MMP9: variants seen among roughly 807,000 people sequenced by gnomAD.
MMP9 encodes the protein matrix metallopeptidase 9.
Under a neutral mutation model 76.4 loss-of-function variants are expected in MMP9, and 73 were observed. That is an observed-to-expected ratio of 0.96 (90% CI 0.79 to 1.16). The LOEUF (loss-of-function observed/expected upper bound fraction) is 1.16. Ranked by LOEUF, MMP9 falls within the 50% of genes most tolerant of loss-of-function variation. The pLI is 0.00. For missense variants in MMP9, 943 were observed against 973.0 expected (o/e 0.97, Z 0.41); for synonymous variants, 412 against 408.4 (o/e 1.01, Z -0.11).
chr20:46,015,357 C>T (rs2084312215), intron 12 of MMP9, among the ~76,000 whole-genome samples: 1 of 152,156 alleles, frequency 6.6e-6, no homozygotes, highest in African/African-American at 2.4e-5. Context: ...AGTGCTAAGG[C>T]CATTGCTTCA....
Position 46,012,248 on chromosome 20 carries a change from G to A in MMP9, c.1109G>A (p.Arg370His). The change falls in exon 7 of 13, where the codon CGC (arginine) becomes CAC (histidine). Residue 370 changes from arginine (R) to histidine (H), a missense_variant. Physicochemically the swap from Arg to His is conservative, Grantham distance 29 (BLOSUM62 0). Transcript: ENST00000372330. ...ACCAGCGAGGGCCGCGGAGATGGGC[G>A]CCTCTGGTGCGCTACCACCTCGAAC... The part of the protein sequence containing the change: ...TCTSEGRGDG[R>H]LWCATTSNFD... The A allele has an allele frequency of 1.9e-6, 3 of 1,614,004 alleles. No homozygotes were observed. Among genetic ancestry groups the A allele is most frequent in the Non-Finnish European group, 2.5e-6 (3 of 1,180,028 alleles).
At position 46,013,776 on chromosome 20, in the gene MMP9, A is replaced by G. The variant is rs1038500196; in HGVS notation, c.1730A>G (p.Lys577Arg). The change falls in exon 10 of 13, where the codon AAG becomes AGG. Residue 577 changes from lysine to arginine, a missense_variant. By Grantham distance (26) the Lys-to-Arg change is conservative (BLOSUM62 2). Coordinates refer to ENST00000372330, the MANE Select transcript of MMP9 (RefSeq NM_004994.3). This position sits in a 1 kb window ranked among gnomAD's most constrained non-coding sequence, Gnocchi z 4.5. ...TCGGTCTTTGAGGAGCGGCTCTCCA[A>G]GAAGCTTTTCTTCTTCTCTGGTTAG... ...LDSVFEERLS[K>R]KLFFFSGRQV... 6.2e-7 allele frequency: 1 copy of G among 1,613,048 alleles called. No homozygotes were observed. The highest frequency in any genetic ancestry group is 8.5e-7 in the Non-Finnish European group (1 of 1,180,010).
chr20:46,012,432 A>C lies in MMP9; in HGVS notation c.1180A>C (p.Ser394Arg). 6.2e-7 allele frequency: 1 copy of C among 1,614,066 alleles called. No homozygotes were observed. The highest frequency in any genetic ancestry group is 8.5e-7 in the Non-Finnish European group (1 of 1,179,990). ...KWGFCPDQGY[S>R]LFLVAAHEFG... Reference sequence around the variant, plus strand: ...CAGGCTCCCTCTCCCTCCAGGATACAGTTTGTTCCTCGTGGCGGCGCATGA... The same window carrying C: ...CAGGCTCCCTCTCCCTCCAGGATACCGTTTGTTCCTCGTGGCGGCGCATGA... The change falls in exon 8 of 13, where the codon AGT becomes CGT. Residue 394 changes from serine to arginine, a missense_variant. Coordinates refer to ENST00000372330, the MANE Select transcript of MMP9 (RefSeq NM_004994.3).
In MMP9 at chr20:46,011,577, T is replaced by A. The variant is rs1465891923; in HGVS notation, c.827T>A (p.Leu276His). The A allele has an allele frequency of 1.9e-6, 3 of 1,613,764 alleles. No individual in the cohort carries two copies. The highest frequency in any genetic ancestry group is 2.5e-6 in the Non-Finnish European group (3 of 1,179,958). Residue 276 changes from leucine to histidine, a missense_variant, in exon 6 of 13, where the codon CTC becomes CAC. Coordinates refer to ENST00000372330, the MANE Select transcript of MMP9 (RefSeq NM_004994.3). ...TCCCACATCCTCCTCGCCCCAGGACTCTACACCCAGGACGGCAATGCTGAT... is the reference window on the plus strand; with the variant it reads ...TCCCACATCCTCCTCGCCCCAGGACACTACACCCAGGACGGCAATGCTGAT... ...DRFGFCPSERLYTQDGNADGK... is the reference protein window; with the variant it reads ...DRFGFCPSERHYTQDGNADGK...
chr20:46,011,936 A>G lies in MMP9; in HGVS notation c.997+189A>G, dbSNP rs2236416. Among the ~76,000 whole-genome samples, 21,640 of 152,070 alleles carry G rather than the reference A, an allele frequency of 0.14. 1,578 individuals are homozygous for G. Among genetic ancestry groups the G allele is most frequent in the South Asian group, 0.24 (1,142 of 4,826 alleles). ...TTCCAATGGCCCCGCCCCAGCCACT[A>G]AGGTTCGGCCTTTTCTGCCCAGCTG... On this transcript the variant is annotated intron_variant, in intron 6 of 12. Transcript: ENST00000372330.
chr20:46,010,150 C>A, intron 2 of MMP9, 52 bp downstream of exon 2: 1 of 1,475,668 alleles, frequency 6.8e-7, no homozygotes, highest in Non-Finnish European at 9.2e-7. Flanking sequence ...CCAGGTCTGG[C>A]TCTTGGGCCA....
chr20:46,009,844 G>T (rs2084263675), intron 1 of MMP9, 22 bp from the exon 2 acceptor site: 5 of 1,546,992 alleles, frequency 3.2e-6, no homozygotes, highest in Non-Finnish European at 4.4e-6. Flanking sequence ...GATCTGGCAT[G>T]TGTGTGTCCC....
At chr20:46,011,896 A>C (rs2145453445) in intron 6 of MMP9, 149 bp downstream of exon 6, 1 of 1,109,764 alleles carries the variant, frequency 9.0e-7, no homozygotes. Context: ...CCACATTTCC[A>C]CCACTATCCC....
chr20:46,012,734 C>G, intron 8 of MMP9, 152 bp downstream of exon 8: 2 of 1,177,984 alleles, frequency 1.7e-6, no homozygotes, highest in Non-Finnish European at 2.4e-6. Context: ...TGGGCCCAGT[C>G]GCTGCCATGT....
At position 46,014,150 on chromosome 20, in the gene MMP9, G is replaced by C. The variant is rs1400982177; in HGVS notation, c.1777G>C (p.Ala593Pro). ...GCGCCAGGTGTGGGTGTACACAGGC[G>C]CGTCGGTGCTGGGCCCGAGGCGTCT... ...SGRQVWVYTG[A>P]SVLGPRRLDK... The change falls in exon 11 of 13, where the codon GCG (alanine) becomes CCG (proline). Residue 593 changes from alanine (A) to proline (P), a missense_variant. By Grantham distance (27) the Ala-to-Pro change is conservative (BLOSUM62 -1). Coordinates refer to ENST00000372330, the MANE Select transcript of MMP9 (RefSeq NM_004994.3). 2 of 1,536,810 alleles carry C rather than the reference G, an allele frequency of 1.3e-6. No individual in the cohort carries two copies. Among genetic ancestry groups the C allele is most frequent in the Non-Finnish European group, 1.7e-6 (2 of 1,146,582 alleles).
chr20:46,014,405 A>C lies in MMP9; in HGVS notation c.1936A>C (p.Ser646Arg). Residue 646 changes from serine to arginine, a missense_variant, in exon 12 of 13, where the codon AGC becomes CGC. Ser to Arg is a moderately radical substitution (Grantham distance 110). Transcript: ENST00000372330. The stretch of plus-strand genomic sequence containing the variant: ...GAAGGCGCAGATGGTGGATCCCCGG[A>C]GCGCCAGCGAGGTGGACCGGATGTT... The part of the protein sequence containing the change: ...DVKAQMVDPR[S>R]ASEVDRMFPG... 1 of 1,549,798 alleles carries C rather than the reference A, an allele frequency of 6.5e-7. No homozygotes were observed. The highest frequency in any genetic ancestry group is 8.7e-7 in the Non-Finnish European group (1 of 1,146,960).
At position 46,012,124 on chromosome 20, in the gene MMP9, T is replaced by G; in HGVS notation, c.998-13T>G. ...CATCCATCTGGCTCATCCAAGGCCT[T>G]GGGTCTCTCCAGCTGACTCGACGGT... On this transcript the variant is annotated splice_polypyrimidine_tract_variant and intron_variant, in intron 6 of 12. Coordinates refer to ENST00000372330, the MANE Select transcript of MMP9 (RefSeq NM_004994.3). 6.2e-7 allele frequency: 1 copy of G among 1,613,470 alleles called. No individual in the cohort carries two copies. Among genetic ancestry groups the G allele is most frequent in the Non-Finnish European group, 8.5e-7 (1 of 1,179,616 alleles).
chr20:46,013,566 G>C lies in MMP9; in HGVS notation c.1610+32G>C, dbSNP rs1371742577. 1 of 1,612,038 alleles carries C rather than the reference G, an allele frequency of 6.2e-7. No homozygotes were observed. The highest frequency in any genetic ancestry group is 1.7e-5 in the Admixed American group (1 of 59,924). On this transcript the variant is annotated intron_variant, in intron 9 of 12. Transcript: ENST00000372330. The surrounding 1 kb of genome is among the most constrained non-coding windows in gnomAD (Gnocchi z 4.5). The stretch of plus-strand genomic sequence containing the variant: ...AGGCGGGGTTGTGTGGATGCGGGAG[G>C]GGGCTTTGCGGAGGGGCTGCCCGTC...
Position 46,014,488 on chromosome 20 carries a change from A to G in MMP9, c.2005+14A>G. On this transcript the variant is annotated intron_variant, in intron 12 of 12. Coordinates refer to ENST00000372330, the MANE Select transcript of MMP9 (RefSeq NM_004994.3). ...TCCAGTACCGAGGTGAGGGCTGAGG[A>G]GGATCCCTTCGTGAGACACCACACT... 6.5e-7 allele frequency: 1 copy of G among 1,548,496 alleles called. No individual in the cohort carries two copies. The highest frequency in any genetic ancestry group is 8.7e-7 in the Non-Finnish European group (1 of 1,146,248).
At position 46,013,821 on chromosome 20, in the gene MMP9, C is replaced by G. The variant is rs573847655; in HGVS notation, c.1750+25C>G. On this transcript the variant is annotated intron_variant, in intron 10 of 12. Transcript: ENST00000372330. This position sits in a 1 kb window ranked among gnomAD's most constrained non-coding sequence, Gnocchi z 4.5. ...GGTTAGTTACCTACTTTCCCTCCCC[C>G]GCCCGGTCAATCCCCATCAGTCAAG... The G allele has an allele frequency of 2.3e-5, 37 of 1,611,078 alleles. No individual in the cohort carries two copies. Among genetic ancestry groups the G allele is most frequent in the Non-Finnish European group, 2.8e-5 (33 of 1,179,542 alleles).
Position 46,013,683 on chromosome 20 carries a change from G to C in MMP9, c.1637G>C (p.Arg546Thr), listed in dbSNP as rs201602753. 6.2e-7 allele frequency: 1 copy of C among 1,614,008 alleles called. No individual in the cohort carries two copies. Among genetic ancestry groups the C allele is most frequent in the Non-Finnish European group, 8.5e-7 (1 of 1,179,966 alleles). ...DGKYWRFSEG[R>T]GSRPQGPFLI... ...AAGTACTGGCGATTCTCTGAGGGCA[G>C]GGGGAGCCGGCCGCAGGGCCCCTTC... The change falls in exon 10 of 13, where the codon AGG (arginine) becomes ACG (threonine). Residue 546 changes from arginine (R) to threonine (T), a missense_variant. Transcript: ENST00000372330. This position sits in a 1 kb window ranked among gnomAD's most constrained non-coding sequence, Gnocchi z 4.5.
Position 46,013,835 on chromosome 20 carries a change from C to T in MMP9, c.1750+39C>T. ...TTTCCCTCCCCCGCCCGGTCAATCC[C>T]CATCAGTCAAGGAGGCTCAAGAGAC... On this transcript the variant is annotated intron_variant, in intron 10 of 12. Coordinates refer to ENST00000372330, the MANE Select transcript of MMP9 (RefSeq NM_004994.3). This position sits in a 1 kb window ranked among gnomAD's most constrained non-coding sequence, Gnocchi z 4.5. The T allele has an allele frequency of 1.2e-6, 2 of 1,610,372 alleles. No homozygotes were observed. Among genetic ancestry groups the T allele is most frequent in the Admixed American group, 1.7e-5 (1 of 59,840 alleles).
chr20:46,012,594 G>A lies in MMP9; in HGVS notation c.1330+12G>A. 1 of 1,613,200 alleles carries A rather than the reference G, an allele frequency of 6.2e-7. No homozygotes were observed. The highest frequency in any genetic ancestry group is 8.5e-7 in the Non-Finnish European group (1 of 1,179,962). On this transcript the variant is annotated intron_variant, in intron 8 of 12. Coordinates refer to ENST00000372330, the MANE Select transcript of MMP9 (RefSeq NM_004994.3). ...CCGGCACCTCTATGGTGAGGCAGGG[G>A]CAGGGATGGGAGGAGGAGGGGAAAG...
At position 46,016,257 on chromosome 20, in the gene MMP9, C is replaced by T; in HGVS notation, c.2013C>T (p.Ala671=). ...THDVFQYREK[A]YFCQDRFYWR... is the part of the protein sequence containing the mutation. Reference sequence around the variant, plus strand: ...CCTGCCTGTCTCCTGCAGAGAAAGCCTATTTCTGCCAGGACCGCTTCTACT... The same window carrying T: ...CCTGCCTGTCTCCTGCAGAGAAAGCTTATTTCTGCCAGGACCGCTTCTACT... Residue 671 remains alanine (A), a synonymous_variant, in exon 13 of 13, where the codon GCC becomes GCT. Coordinates refer to ENST00000372330, the MANE Select transcript of MMP9 (RefSeq NM_004994.3). 1 of 1,614,156 alleles carries T rather than the reference C, an allele frequency of 6.2e-7. No individual in the cohort carries two copies. The highest frequency in any genetic ancestry group is 8.5e-7 in the Non-Finnish European group (1 of 1,179,970).
Sources: gnomAD v4.1 joint callset for allele counts (sites outside exome capture counted in the v4.1 genomes callset) on GRCh38, gnomAD v4.1.1 for gene constraint, Gnocchi (gnomAD v3.1) non-coding constraint, MANE v1.5 for transcripts, NCBI Gene and HGNC (gene_info 2026-07-23, HGNC 2026-07-21) for gene names.